MAP2K5: variants seen among roughly 807,000 people sequenced by gnomAD.
The protein encoded by MAP2K5 is mitogen-activated protein kinase kinase 5.
In MAP2K5, 49 loss-of-function variants were observed where a neutral mutation model predicts 83.1. The ratio of observed to expected loss-of-function variants is 0.59; its 90% CI spans 0.47 to 0.75. The LOEUF is 0.75. MAP2K5 is among the 30% of genes least tolerant of loss of function. The pLI is 0.00. For missense variants in MAP2K5, 457 were observed against 557.5 expected, an observed-to-expected ratio of 0.82 and a Z score of 1.82; for synonymous variants, 202 against 191.8, an observed-to-expected ratio of 1.05 and a Z score of -0.44.
rs531629422 is a variant in MAP2K5 at position 67,619,044 on chromosome 15, A to T, written c.546-11844A>T. 2.0e-5 allele frequency among the ~76,000 whole-genome samples: 3 copies of T among 152,174 alleles called. No homozygotes were observed. In the South Asian group the frequency reaches 6.2e-4, roughly 32 times the overall value. ...CTGTTTTCCTTACCTCTCTGACCTC[A>T]TCTCCCCCAGCTAGCCCTCTTGCTT... On this transcript the variant is annotated intron_variant, in intron 8 of 21. Transcript: ENST00000178640.
At chr15:67,729,689 G>A (rs554464340) in intron 17 of MAP2K5, among the ~76,000 whole-genome samples, 3 of 152,154 alleles carry the variant, frequency 2.0e-5, no homozygotes, top group Admixed American at 6.5e-5. Context: ...GCTTGAACCC[G>A]GGAGGTGGAG....
At chr15:67,734,288 G>A (rs1295006776) in intron 17 of MAP2K5, among the ~76,000 whole-genome samples, 1 of 152,014 alleles carries the variant, frequency 6.6e-6, no homozygotes, top group Non-Finnish European at 1.5e-5. Flanking sequence ...GATTTGCCCT[G>A]TTTTCATTTA....
chr15:67,559,414 T>C lies in MAP2K5; in HGVS notation c.185-3869T>C, dbSNP rs2589984. 1 allele frequency among the ~76,000 whole-genome samples: 151,827 copies of C among 152,160 alleles called. 75,748 individuals are homozygous for C. The highest frequency in any genetic ancestry group is 1 in the Non-Finnish European group (68,018 of 68,018). On this transcript the variant is annotated intron_variant, in intron 2 of 21. Transcript: ENST00000178640. This position sits in a 1 kb window ranked among gnomAD's most constrained non-coding sequence, Gnocchi z 4.7. The stretch of plus-strand genomic sequence containing the variant: ...GTGACCGCCCCTTACCTGAGGCTGC[T>C]TCTCCTCTCTATTGGGCCTTTATGT...
intron 4 of MAP2K5, among the ~76,000 whole-genome samples, chr15:67,583,171 TA>T (rs1252310705): frequency 2.6e-5 from 4 of 152,202 alleles, no homozygotes; most frequent in African/African-American, 9.6e-5. Context: ...TCACACAGCT[TA>T]TAAGTGCTTA....
intron 17 of MAP2K5, among the ~76,000 whole-genome samples, chr15:67,728,187 G>A (rs959452250): frequency 6.6e-5 from 10 of 151,724 alleles, no homozygotes. Context: ...TGTGACATTC[G>A]GGATTGTTTT....
chr15:67,681,169 A>T (rs906485434), intron 13 of MAP2K5, among the ~76,000 whole-genome samples: 1 of 152,236 alleles, frequency 6.6e-6, no homozygotes, highest in East Asian at 1.9e-4. Context: ...AGCCTTGTCA[A>T]TGTAGGAAGA....
In MAP2K5 at chr15:67,779,484, G is replaced by C. The variant is rs1297277161; in HGVS notation, c.1242+6732G>C. Among the ~76,000 whole-genome samples, 1 of 152,200 alleles carries C rather than the reference G, an allele frequency of 6.6e-6. No homozygotes were observed. Among genetic ancestry groups the C allele is most frequent in the Non-Finnish European group, 1.5e-5 (1 of 68,040 alleles). ...ATGTGACCACTTAATCTTTTCACAA[G>C]ACTTTAGCAGATAAATATGTGTGTG... On this transcript the variant is annotated intron_variant, in intron 21 of 21. Coordinates refer to ENST00000178640, the MANE Select transcript of MAP2K5 (RefSeq NM_145160.3). This position sits in a 1 kb window ranked among gnomAD's most constrained non-coding sequence, Gnocchi z 4.6.
In MAP2K5 at chr15:67,681,588, T is replaced by TA. The variant is rs1363803239; in HGVS notation, c.848-10890dup. Among the ~76,000 whole-genome samples the TA allele has an allele frequency of 1.2e-4, 19 of 152,384 alleles. No homozygotes were observed. The East Asian group carries it at 3.7e-3, about 29-fold the overall frequency. On this transcript the variant is annotated intron_variant, in intron 13 of 21. Transcript: ENST00000178640. ...GCCACTTTACATTGTGCCTTTATCT[T>TA]ACTATTTCCAAAATGATAGTCATCT... is the stretch of plus-strand genomic sequence containing the variant.
chr15:67,600,836 C>A, intron 8 of MAP2K5, 87 bp downstream of exon 8: 1 of 888,802 alleles, frequency 1.1e-6, no homozygotes, highest in Non-Finnish European at 1.8e-6. Context: ...TTTTAAATGA[C>A]CACTAACACT....
chr15:67,611,432 A>T (rs773471589), intron 8 of MAP2K5, among the ~76,000 whole-genome samples: 2 of 152,144 alleles, frequency 1.3e-5, no homozygotes, highest in Admixed American at 6.6e-5. Flanking sequence ...GAAGGGGCAA[A>T]TGAGAAGTTT....
At chr15:67,548,902 G>C (rs2084449201) in intron 1 of MAP2K5, 1 of 662,944 alleles carries the variant, frequency 1.5e-6, no homozygotes. Context: ...TATATGCACA[G>C]ATTTATTTTT....
Position 67,565,791 on chromosome 15 carries a change from G to C in MAP2K5, c.252+2441G>C, listed in dbSNP as rs1596565674. On this transcript the variant is annotated intron_variant, in intron 3 of 21. Coordinates refer to ENST00000178640, the MANE Select transcript of MAP2K5 (RefSeq NM_145160.3). The surrounding 1 kb of genome is among the most constrained non-coding windows in gnomAD (Gnocchi z 4.1). ...ATGAGATAATTTAAAAAAATTTTTT[G>C]TAGAGATAGGGTCTTGCTTTGTTGC... Among the ~76,000 whole-genome samples, 1 of 151,830 alleles carries C rather than the reference G, an allele frequency of 6.6e-6. No individual in the cohort carries two copies. The highest frequency in any genetic ancestry group is 2.4e-5 in the African/African-American group (1 of 41,324).
At chr15:67,633,733 G>A (rs1223047147) in intron 9 of MAP2K5, among the ~76,000 whole-genome samples, 1 of 152,194 alleles carries the variant, frequency 6.6e-6, no homozygotes, top group Non-Finnish European at 1.5e-5. Flanking sequence ...TGAATTGAAT[G>A]AATGGATGAT....
chr15:67,716,208 A>G (rs2088823014), intron 16 of MAP2K5, among the ~76,000 whole-genome samples: 2 of 152,134 alleles, frequency 1.3e-5, no homozygotes, highest in South Asian at 4.1e-4. Flanking sequence ...GCACATGGTG[A>G]CGCACACCAG....
intron 6 of MAP2K5, among the ~76,000 whole-genome samples, chr15:67,591,782 A>G (rs972529620): frequency 3.9e-5 from 6 of 152,010 alleles, no homozygotes; most frequent in Admixed American, 2.6e-4. Flanking sequence ...AAGCTAGATG[A>G]CTTAAGAGCT....
In MAP2K5 at chr15:67,665,874, G is replaced by T. The variant is rs1056332992; in HGVS notation, c.847+1229G>T. 6.6e-6 allele frequency among the ~76,000 whole-genome samples: 1 copy of T among 152,048 alleles called. No homozygotes were observed. The highest frequency in any genetic ancestry group is 1.5e-5 in the Non-Finnish European group (1 of 68,008). ...GGATGAAAAAAAATTGAACATTTTT[G>T]ACTACCAAGAGTAAGAGATAACAGT... On this transcript the variant is annotated intron_variant, in intron 13 of 21. Transcript: ENST00000178640. This position sits in a 1 kb window ranked among gnomAD's most constrained non-coding sequence, Gnocchi z 4.2.
Position 67,734,475 on chromosome 15 carries a change from T to C in MAP2K5, c.1074+6530T>C, listed in dbSNP as rs981914496. ...GTTTCAGAATAGAGTAGAAAGCATA[T>C]GTTCTTAAAACTATTTAAAAACATT... On this transcript the variant is annotated intron_variant, in intron 17 of 21. Transcript: ENST00000178640. Among the ~76,000 whole-genome samples, 12 of 152,340 alleles carry C rather than the reference T, an allele frequency of 7.9e-5. 1 individual carries two copies. The East Asian group carries it at 2.3e-3, about 29-fold the overall frequency.
chr15:67,695,327 CCTT>C (rs2088225078), intron 15 of MAP2K5, among the ~76,000 whole-genome samples: 1 of 151,994 alleles, frequency 6.6e-6, no homozygotes, highest in Non-Finnish European at 1.5e-5. Flanking sequence ...TAAACCTAAA[CCTT>C]CTTCTCAGAA....
chr15:67,568,735 G>A (rs2084891409), intron 3 of MAP2K5, among the ~76,000 whole-genome samples: 2 of 151,948 alleles, frequency 1.3e-5, no homozygotes, highest in Non-Finnish European at 1.5e-5. Flanking sequence ...GGCTGGGCGC[G>A]GTGGCTCACT....
Sources: allele counts gnomAD v4.1 joint callset (sites outside exome capture counted in the v4.1 genomes callset), GRCh38; gene constraint gnomAD v4.1.1; non-coding constraint Gnocchi (gnomAD v3.1); transcripts MANE v1.5; gene names NCBI Gene and HGNC (gene_info 2026-07-23, HGNC 2026-07-21).